The following ANTXR1 variants were observed in gnomAD, a reference collection of about 807,000 sequenced individuals.
ANTXR1 encodes the protein ANTXR cell adhesion molecule 1, also known as anthrax toxin receptor 1.
In ANTXR1, 19 loss-of-function variants were observed where a neutral mutation model predicts 78.1. The observed-to-expected ratio is 0.24, with a 90% CI of 0.17 to 0.36. The LOEUF is 0.36. ANTXR1 is among the 10% of genes least tolerant of loss of function. ANTXR1 has a pLI of 1.00. For missense variants in ANTXR1, 518 were observed against 718.6 expected (o/e 0.72, Z 3.19); for synonymous variants, 273 against 260.5 (o/e 1.05, Z -0.46).
intron 14 of ANTXR1, among the ~76,000 whole-genome samples, chr2:69,180,067 G>A (rs79260574): frequency 0.04 from 6,033 of 152,268 alleles, 416 homozygotes; most frequent in African/African-American, 0.14. Flanking sequence ...TAAATTTTTT[G>A]AAAATCATTT....
intron 17 of ANTXR1, among the ~76,000 whole-genome samples, chr2:69,203,829 C>A (rs1443502868): frequency 6.6e-6 from 1 of 152,086 alleles, no homozygotes; most frequent in African/African-American, 2.4e-5. Context: ...TTCAGATTGT[C>A]TCATCTCCCA....
chr2:69,101,996 T>G (rs574626861), intron 9 of ANTXR1, among the ~76,000 whole-genome samples: 1 of 152,346 alleles, frequency 6.6e-6, no homozygotes, highest in East Asian at 1.9e-4. Flanking sequence ...TCATGTGCAT[T>G]AATCAAACAT....
At chr2:69,064,324 G>A (rs57716909) in intron 3 of ANTXR1, among the ~76,000 whole-genome samples, 26,809 of 152,138 alleles carry the variant, frequency 0.18, 4,482 homozygotes, top group East Asian at 0.46. Context: ...AACAGCTGAA[G>A]ATCTCTCTCT....
At chr2:69,104,043 A>C (rs1049035411) in intron 10 of ANTXR1, among the ~76,000 whole-genome samples, 8 of 151,314 alleles carry the variant, frequency 5.3e-5, no homozygotes, top group African/African-American at 1.7e-4. Context: ...AGTTGAAGCG[A>C]TTCTCCTGCC....
chr2:69,138,960 A>T (rs1672994990), intron 12 of ANTXR1, among the ~76,000 whole-genome samples: 1 of 152,190 alleles, frequency 6.6e-6, no homozygotes, highest in Non-Finnish European at 1.5e-5. Context: ...GATTGTATAT[A>T]AAAGGTGCAA....
rs143783009 is a variant in ANTXR1, at chr2:69,108,063, A to G, written c.802+5123A>G. 2.2e-4 allele frequency among the ~76,000 whole-genome samples: 34 copies of G among 152,372 alleles called. No individual in the cohort carries two copies. The East Asian group carries it at 6.5e-3, about 29-fold the overall frequency. On this transcript the variant is annotated intron_variant, in intron 10 of 17. Transcript: ENST00000303714. ...AATGATGGAAGTGTTCTAAGATGGT[A>G]GCCACAAGCCACATGTGGCTGCTGG...
intron 17 of ANTXR1, among the ~76,000 whole-genome samples, chr2:69,218,311 A>C (rs4241350): frequency 6.6e-6 from 1 of 152,180 alleles, no homozygotes; most frequent in Non-Finnish European, 1.5e-5. Flanking sequence ...GAAGGCAATA[A>C]TACTAAATGA....
intron 17 of ANTXR1, among the ~76,000 whole-genome samples, chr2:69,231,167 A>G (rs1285505730): frequency 6.6e-6 from 1 of 152,220 alleles, no homozygotes; most frequent in East Asian, 1.9e-4. Context: ...ATAGTATTCC[A>G]TGGTGTATAT....
chr2:69,024,652 T>C (rs2104002955), intron 1 of ANTXR1, among the ~76,000 whole-genome samples: 1 of 152,276 alleles, frequency 6.6e-6, no homozygotes, highest in Middle Eastern at 3.4e-3. Flanking sequence ...GGTGGCCCTA[T>C]AAGTCCAGCT....
intron 11 of ANTXR1, among the ~76,000 whole-genome samples, 169 bp from the exon 12 acceptor site, chr2:69,124,396 C>T (rs1368433464): frequency 2.6e-5 from 4 of 152,142 alleles, no homozygotes; most frequent in Admixed American, 6.5e-5. Flanking sequence ...ACAGACTACC[C>T]CCGACATTTT....
intron 12 of ANTXR1, among the ~76,000 whole-genome samples, chr2:69,144,991 T>C (rs72901330): frequency 0.02 from 3,098 of 152,300 alleles, 122 homozygotes; most frequent in African/African-American, 0.07. Context: ...CATGCCTCTT[T>C]CCTGCCTTGA....
At chr2:69,206,775 T>C (rs1674915966) in intron 17 of ANTXR1, among the ~76,000 whole-genome samples, 1 of 152,178 alleles carries the variant, frequency 6.6e-6, no homozygotes, top group African/African-American at 2.4e-5. Flanking sequence ...CCATATCCCA[T>C]GGTCCCACAG....
At chr2:69,085,248 A>G (rs1671015509) in intron 8 of ANTXR1, among the ~76,000 whole-genome samples, 1 of 152,140 alleles carries the variant, frequency 6.6e-6, no homozygotes, top group Non-Finnish European at 1.5e-5. Flanking sequence ...CCACCTGCCA[A>G]CTACAGTTCT....
chr2:69,113,354 C>G (rs1156700728), intron 10 of ANTXR1, among the ~76,000 whole-genome samples: 2 of 152,152 alleles, frequency 1.3e-5, no homozygotes, highest in African/African-American at 4.8e-5. Context: ...GTGATTAACT[C>G]AGAGACAGGC....
At chr2:69,144,617 T>A (rs1673169491) in intron 12 of ANTXR1, among the ~76,000 whole-genome samples, 1 of 152,224 alleles carries the variant, frequency 6.6e-6, no homozygotes, top group Non-Finnish European at 1.5e-5. Context: ...CTCTAATGGA[T>A]CCTCAGCAAT....
intron 12 of ANTXR1, 60 bp from the exon 13 acceptor site, chr2:69,152,109 G>A (rs1673414548): frequency 6.6e-7 from 1 of 1,515,432 alleles, no homozygotes; most frequent in Non-Finnish European, 9.1e-7. Context: ...GGGAGTTTGG[G>A]GAGGGAAGAT....
intron 10 of ANTXR1, among the ~76,000 whole-genome samples, chr2:69,111,676 T>C (rs1671980711): frequency 6.6e-6 from 1 of 152,220 alleles, no homozygotes; most frequent in African/African-American, 2.4e-5. Flanking sequence ...CATTTGAACA[T>C]ATTTCCCCAA....
At chr2:69,016,149 C>T (rs1333967814) in intron 1 of ANTXR1, among the ~76,000 whole-genome samples, 2 of 152,168 alleles carry the variant, frequency 1.3e-5, no homozygotes, top group Non-Finnish European at 2.9e-5. Context: ...TAGAAAAGTT[C>T]TATATCTGTG....
At chr2:69,110,331 T>G (rs116476187) in intron 10 of ANTXR1, among the ~76,000 whole-genome samples, 1,585 of 152,256 alleles carry the variant, frequency 0.01, 9 homozygotes, top group Admixed American at 0.016. Context: ...CACAAGGATA[T>G]TCATCACAGT....
Sources: gnomAD v4.1 joint callset for allele counts (sites outside exome capture counted in the v4.1 genomes callset) on GRCh38, gnomAD v4.1.1 for gene constraint, MANE v1.5 for transcripts, NCBI Gene and HGNC (gene_info 2026-07-23, HGNC 2026-07-21) for gene names.